RFTN2: variants seen among roughly 807,000 people sequenced by gnomAD.
The protein encoded by RFTN2 is raftlin-2.
A neutral mutation model predicts 52.7 loss-of-function variants in RFTN2; 34 were observed. The ratio of observed to expected loss-of-function variants is 0.64; its 90% CI spans 0.49 to 0.86. The LOEUF (loss-of-function observed/expected upper bound fraction) is 0.86. Ranked by LOEUF, RFTN2 falls within the 40% of genes least tolerant of loss-of-function variation. RFTN2 has a pLI of 0.00. For synonymous variants in RFTN2, 203 were observed against 217.7 expected, an observed-to-expected ratio of 0.93 and a Z score of 0.59; for missense variants, 536 against 600.1, an observed-to-expected ratio of 0.89 and a Z score of 1.12.
At chr2:197,579,807 C>T (rs2087475732) in intron 8 of RFTN2, among the ~76,000 whole-genome samples, 2 of 152,078 alleles carry the variant, frequency 1.3e-5, no homozygotes, top group African/African-American at 2.4e-5. Flanking sequence ...CTGAATCAGG[C>T]TCCAATTCTT....
intron 1 of RFTN2, among the ~76,000 whole-genome samples, chr2:197,669,076 T>C (rs1326068881): frequency 6.6e-6 from 1 of 152,232 alleles, no homozygotes; most frequent in Non-Finnish European, 1.5e-5. Context: ...TCTTGGATGA[T>C]CTACTCAATG....
chr2:197,604,780 A>C (rs990084947), intron 7 of RFTN2, among the ~76,000 whole-genome samples: 2 of 150,922 alleles, frequency 1.3e-5, no homozygotes, highest in African/African-American at 4.9e-5. Flanking sequence ...ATTTATTTTG[A>C]GACAGAGCCT....
intron 5 of RFTN2, among the ~76,000 whole-genome samples, chr2:197,623,917 G>T (rs1160796549): frequency 6.6e-6 from 1 of 152,134 alleles, no homozygotes; most frequent in African/African-American, 2.4e-5. Context: ...ACCTGCCTCG[G>T]TCTCCCAAAG....
intron 3 of RFTN2, among the ~76,000 whole-genome samples, chr2:197,634,720 A>ATTAT (rs200552307): frequency 6.4e-4 from 96 of 148,912 alleles, no homozygotes; most frequent in African/African-American, 1.8e-3. Flanking sequence ...ATTTTTAAGG[A>ATTAT]TTATTTATTT....
Position 197,611,465 on chromosome 2 carries a change from T to G in RFTN2, c.1154+4411A>C, listed in dbSNP as rs1317680941. Among the ~76,000 whole-genome samples, 3 of 152,184 alleles carry G rather than the reference T, an allele frequency of 2.0e-5. No homozygotes were observed. In the East Asian group the frequency reaches 5.8e-4, roughly 29 times the overall value. ...TGTGGGATCGGTAGTGATATCCCCT[T>G]TATCATTTTTATTGCGTCTATTTGA... On this transcript the variant is annotated intron_variant, in intron 7 of 8. Transcript: ENST00000295049.
intron 7 of RFTN2, among the ~76,000 whole-genome samples, chr2:197,599,475 C>T (rs948702333): frequency 1.3e-5 from 2 of 152,076 alleles, no homozygotes; most frequent in Non-Finnish European, 2.9e-5. Context: ...GAAAGAGTAT[C>T]TCTACCAGCG....
chr2:197,580,635 C>T (rs151081614), intron 8 of RFTN2, among the ~76,000 whole-genome samples: 62 of 152,284 alleles, frequency 4.1e-4, no homozygotes, highest in East Asian at 7.7e-4. Flanking sequence ...CCATCACAGA[C>T]GCTTTAGGTA....
intron 1 of RFTN2, among the ~76,000 whole-genome samples, chr2:197,667,203 C>T (rs2089074471): frequency 1.3e-5 from 2 of 152,132 alleles, no homozygotes; most frequent in African/African-American, 4.8e-5. Context: ...CCAGGCTGGT[C>T]TCAAACTCCT....
intron 8 of RFTN2, among the ~76,000 whole-genome samples, chr2:197,590,793 G>T (rs142260672): frequency 0.011 from 1,744 of 152,318 alleles, 29 homozygotes; most frequent in African/African-American, 0.04. Context: ...TCCTCCCGGT[G>T]GGTTCGTGGT....
intron 5 of RFTN2, among the ~76,000 whole-genome samples, chr2:197,620,733 G>A (rs929437343): frequency 2.0e-5 from 3 of 152,188 alleles, no homozygotes; most frequent in East Asian, 1.9e-4. Context: ...TTGGGAGGCC[G>A]AGGCAGGCAG....
At chr2:197,592,894 G>A (rs1258426351) in intron 8 of RFTN2, among the ~76,000 whole-genome samples, 3 of 152,156 alleles carry the variant, frequency 2.0e-5, no homozygotes, top group Non-Finnish European at 4.4e-5. Context: ...CTACCATTCT[G>A]AGATAGAGTA....
chr2:197,616,839 T>C (rs1483260415), intron 6 of RFTN2, among the ~76,000 whole-genome samples: 1 of 152,228 alleles, frequency 6.6e-6, no homozygotes, highest in African/African-American at 2.4e-5. Flanking sequence ...CAATGGGTTT[T>C]CTAGTTTCTT....
chr2:197,632,323 G>A (rs2088480897), intron 4 of RFTN2, among the ~76,000 whole-genome samples: 1 of 152,188 alleles, frequency 6.6e-6, no homozygotes, highest in African/African-American at 2.4e-5. Context: ...GATAGTGATA[G>A]TTGAATCATG....
Position 197,572,096 on chromosome 2 carries a change from C to T in RFTN2, c.1418G>A (p.Gly473Glu). 1 of 1,614,242 alleles carries T rather than the reference C, an allele frequency of 6.2e-7. No homozygotes were observed. The highest frequency in any genetic ancestry group is 1.3e-5 in the African/African-American group (1 of 75,060). Residue 473 changes from glycine (G) to glutamate (E), a missense_variant, in exon 9 of 9, where the codon GGG (glycine) becomes GAG (glutamate). Coordinates refer to ENST00000295049, the MANE Select transcript of RFTN2 (RefSeq NM_144629.3). Reference protein sequence around the residue: ...GRLAQHNSFSGFSSSDNVLRE... With the variant: ...GRLAQHNSFSEFSSSDNVLRE... ...GAGGACGTTGTCACTGCTGCTGAAC[C>T]CAGAGAAGCTGTTGTGCTGTGCCAG...
intron 6 of RFTN2, among the ~76,000 whole-genome samples, chr2:197,616,466 A>G (rs1443958167): frequency 6.6e-6 from 1 of 151,540 alleles, no homozygotes; most frequent in East Asian, 1.9e-4. Flanking sequence ...TAATTTTAAA[A>G]TTTTTTGTAG....
At chr2:197,609,860 T>C (rs2088027265) in intron 7 of RFTN2, among the ~76,000 whole-genome samples, 2 of 152,222 alleles carry the variant, frequency 1.3e-5, no homozygotes, top group Admixed American at 1.3e-4. Flanking sequence ...CCCAGCACCA[T>C]TTATTAAATA....
rs553609274 is a variant in RFTN2 at position 197,595,114 on chromosome 2, A to C, written c.1233+877T>G. 7.9e-5 allele frequency among the ~76,000 whole-genome samples: 12 copies of C among 152,356 alleles called. No individual in the cohort carries two copies. The South Asian group carries it at 2.5e-3, about 32-fold the overall frequency. On this transcript the variant is annotated intron_variant, in intron 8 of 8. Coordinates refer to ENST00000295049, the MANE Select transcript of RFTN2 (RefSeq NM_144629.3). ...TTGTATTCCAGCTGTGCATCCAGTA[A>C]GATCAAGGTGACTTGAGGATCAGAA... is the stretch of plus-strand genomic sequence containing the variant.
chr2:197,635,159 C>T (rs2088544247), intron 3 of RFTN2, among the ~76,000 whole-genome samples: 1 of 151,974 alleles, frequency 6.6e-6, no homozygotes, highest in African/African-American at 2.4e-5. Context: ...GGGTTGGTTC[C>T]AAGTCTTTGC....
intron 1 of RFTN2, among the ~76,000 whole-genome samples, chr2:197,649,244 G>A (rs1004612963): frequency 1.4e-4 from 21 of 152,168 alleles, no homozygotes; most frequent in Admixed American, 5.2e-4. Flanking sequence ...TGGAAGTGGG[G>A]ATGGTTAAGA....
Sources: allele counts gnomAD v4.1 joint callset (sites outside exome capture counted in the v4.1 genomes callset), GRCh38; gene constraint gnomAD v4.1.1; transcripts MANE v1.5; gene names NCBI Gene and HGNC (gene_info 2026-07-23, HGNC 2026-07-21).